DPY19L2: variants seen among roughly 807,000 people sequenced by gnomAD.
DPY19L2 encodes the protein dpy-19 like 2, also known as probable C-mannosyltransferase DPY19L2.
DPY19L2 carries 34 observed loss-of-function variants against 97.9 expected under a neutral mutation model. That is an observed-to-expected ratio of 0.35 (90% CI 0.26 to 0.46). The LOEUF (loss-of-function observed/expected upper bound fraction) is 0.46, where lower values mean the gene tolerates loss of function less well. Among genes scored for constraint, DPY19L2 ranks in the 20% least tolerant of loss-of-function variants. The probability of loss-of-function intolerance (pLI) is 1.00; values close to 1 mark genes in which losing one functional copy is unlikely to be tolerated. For synonymous variants in DPY19L2, 230 were observed against 307.9 expected (o/e 0.75, Z 2.65); for missense variants, 623 against 911.4 (o/e 0.68, Z 4.07).
Position 63,608,724 on chromosome 12 carries a change from T to A in DPY19L2, c.1219-49A>T, listed in dbSNP as rs542222335. 3.3e-5 allele frequency: 34 copies of A among 1,019,730 alleles called. No individual in the cohort carries two copies. In the African/African-American group the frequency reaches 3.4e-4, roughly 10 times the overall value. The allele number at this position is 1,019,730 out of a possible 1,614,324, so 63.2% of individuals were successfully genotyped here. A position where few individuals can be genotyped will look rare whatever the true frequency, so the allele number is the denominator to read the frequency against. ...GAAACAATTCAATACAATTAACATT[T>A]ATATTTTGTATAAATGGTACATTTC... is the stretch of plus-strand genomic sequence containing the variant. On this transcript the variant is annotated intron_variant, in intron 11 of 21. Transcript: ENST00000324472.
chr12:63,610,116 C>T (rs964282671), intron 11 of DPY19L2, among the ~76,000 whole-genome samples: 2 of 146,074 alleles, frequency 1.4e-5, no homozygotes, highest in African/African-American at 5.0e-5. Context: ...AGGCAAAAGA[C>T]TATCTTTAAT....
At chr12:63,639,131 T>C (rs1592691324) in intron 6 of DPY19L2, among the ~76,000 whole-genome samples, 1 of 152,272 alleles carries the variant, frequency 6.6e-6, no homozygotes, top group East Asian at 1.9e-4. Flanking sequence ...TAAATGGTGC[T>C]GGGAAAACTG....
chr12:63,620,682 C>T (rs1888547500), intron 9 of DPY19L2, among the ~76,000 whole-genome samples: 2 of 152,028 alleles, frequency 1.3e-5, no homozygotes, highest in Non-Finnish European at 2.9e-5. Flanking sequence ...TGGAAACAAC[C>T]AAGTACATCT....
At chr12:63,581,577 G>T (rs78454125) in intron 18 of DPY19L2, among the ~76,000 whole-genome samples, 5 of 137,738 alleles carry the variant, frequency 3.6e-5, no homozygotes, top group African/African-American at 1.1e-4. Flanking sequence ...TCCACTTCCC[G>T]GGTTCAAGCA....
chr12:63,591,989 G>C (rs1299846051), intron 16 of DPY19L2, among the ~76,000 whole-genome samples: 1 of 24,576 alleles, frequency 4.1e-5, no homozygotes, highest in Non-Finnish European at 7.1e-5. Context: ...GGGAAGGGAA[G>C]GGAAGGGAGG....
chr12:63,628,738 C>A, intron 6 of DPY19L2, among the ~76,000 whole-genome samples: 1 of 151,334 alleles, frequency 6.6e-6, no homozygotes. Flanking sequence ...CAGCACGCAG[C>A]TGGAGATCTA....
rs535934053 is a variant in DPY19L2, at chr12:63,603,676, C to T, written c.1279-3290G>A. On this transcript the variant is annotated intron_variant, in intron 12 of 21. Coordinates refer to ENST00000324472, the MANE Select transcript of DPY19L2 (RefSeq NM_173812.5). ...TGAAAATAATGGCTTCCAGCTCCAT[C>T]CATGTCCCTGTCAAGGACATGTTCT... 8.3e-4 allele frequency among the ~76,000 whole-genome samples: 126 copies of T among 152,250 alleles called. 1 individual carries two copies. Among genetic ancestry groups the T allele is most frequent in the Admixed American group, 2.6e-3 (40 of 15,298 alleles).
At chr12:63,576,117 A>T (rs2137322428) in intron 19 of DPY19L2, among the ~76,000 whole-genome samples, 1 of 152,122 alleles carries the variant, frequency 6.6e-6, no homozygotes, top group South Asian at 2.1e-4. Flanking sequence ...GATTTATCTC[A>T]GGGATGCAAA....
At chr12:63,642,925 T>C (rs1892904278) in intron 6 of DPY19L2, among the ~76,000 whole-genome samples, 1 of 152,116 alleles carries the variant, frequency 6.6e-6, no homozygotes, top group Admixed American at 6.6e-5. Context: ...TAGATTTTCC[T>C]AGACATATCT....
intron 16 of DPY19L2, among the ~76,000 whole-genome samples, chr12:63,585,620 T>C (rs1349543779): frequency 2.0e-5 from 3 of 152,114 alleles, no homozygotes; most frequent in Admixed American, 6.5e-5. Flanking sequence ...GGAAGAAGCC[T>C]GGTAGGTGAG....
At position 63,629,628 on chromosome 12, in the gene DPY19L2, T is replaced by C. The variant is rs527611235; in HGVS notation, c.804-3102A>G. ...AAGTGATGGGGAGAATGGAACCAAG[T>C]TGGAAAACACTCTGCAGGATATTAT... On this transcript the variant is annotated intron_variant, in intron 6 of 21. Coordinates refer to ENST00000324472, the MANE Select transcript of DPY19L2 (RefSeq NM_173812.5). 1.5e-3 allele frequency among the ~76,000 whole-genome samples: 235 copies of C among 152,278 alleles called. 2 individuals are homozygous for C. Among genetic ancestry groups the C allele is most frequent in the Middle Eastern group, 3.4e-3 (1 of 294 alleles).
intron 6 of DPY19L2, among the ~76,000 whole-genome samples, chr12:63,635,585 A>T (rs1891517761): frequency 6.6e-6 from 1 of 152,114 alleles, no homozygotes; most frequent in African/African-American, 2.4e-5. Context: ...TGTAGAGAAG[A>T]CCTTAAATGA....
intron 4 of DPY19L2, among the ~76,000 whole-genome samples, chr12:63,654,202 A>G (rs568817658): frequency 1.2e-4 from 18 of 152,222 alleles, no homozygotes; most frequent in African/African-American, 4.3e-4. Flanking sequence ...AGTTTATAAA[A>G]TATGTGTAAA....
At chr12:63,630,844 G>C (rs908606228) in intron 6 of DPY19L2, among the ~76,000 whole-genome samples, 3 of 152,046 alleles carry the variant, frequency 2.0e-5, no homozygotes, top group African/African-American at 7.2e-5. Context: ...AAATGTAAAA[G>C]AACAGAAATT....
chr12:63,619,818 T>A, intron 9 of DPY19L2: 1 of 368,566 alleles, frequency 2.7e-6, no homozygotes, highest in South Asian at 2.1e-5. Flanking sequence ...AAGAGCTTCT[T>A]AGTTTCATCA....
rs533804773 is a variant in DPY19L2, at chr12:63,633,638, T to C, written c.804-7112A>G. Reference sequence around the variant, plus strand: ...GTGGGACTGTAAACTAGCTCAACCATTGTGGAAGTCAGAGTGGTGATTCCT... The same window carrying C: ...GTGGGACTGTAAACTAGCTCAACCACTGTGGAAGTCAGAGTGGTGATTCCT... On this transcript the variant is annotated intron_variant, in intron 6 of 21. Transcript: ENST00000324472. 4.6e-5 allele frequency among the ~76,000 whole-genome samples: 7 copies of C among 152,236 alleles called. No individual in the cohort carries two copies. In the South Asian group the frequency reaches 1.2e-3, roughly 27 times the overall value.
chr12:63,633,050 T>G (rs916029899), intron 6 of DPY19L2, among the ~76,000 whole-genome samples: 2 of 152,006 alleles, frequency 1.3e-5, no homozygotes, highest in African/African-American at 4.8e-5. Flanking sequence ...CTTACACCTT[T>G]TACAAAAATT....
intron 6 of DPY19L2, among the ~76,000 whole-genome samples, chr12:63,639,519 C>A (rs1028620459): frequency 6.6e-6 from 1 of 152,098 alleles, no homozygotes; most frequent in Non-Finnish European, 1.5e-5. Context: ...AATCAAACAA[C>A]CCCATCAAAA....
chr12:63,589,357 C>CAAAAAAAAAAAAAAA lies in DPY19L2; in HGVS notation c.1580+4715_1580+4729dup, dbSNP rs71086687. Reference sequence around the variant, plus strand: ...AATGTGGCTAGATAAAAATGTGTTGCAAAAAAAAAAAAAAAAAAAAAAAAA... The same window carrying CAAAAAAAAAAAAAAA: ...AATGTGGCTAGATAAAAATGTGTTGCAAAAAAAAAAAAAAAAAAAAAAAAAAAAAAAAAAAAAAAA... On this transcript the variant is annotated intron_variant, in intron 16 of 21. Coordinates refer to ENST00000324472, the MANE Select transcript of DPY19L2 (RefSeq NM_173812.5). Among the ~76,000 whole-genome samples, 7 of 18,990 alleles carry CAAAAAAAAAAAAAAA rather than the reference C, an allele frequency of 3.7e-4. 2 individuals carry two copies. Among genetic ancestry groups the CAAAAAAAAAAAAAAA allele is most frequent in the Non-Finnish European group, 5.3e-4 (5 of 9,520 alleles). The allele number at this position is 18,990 out of a possible 152,430, so 12.5% of individuals were successfully genotyped here.
Sources: gnomAD v4.1 joint callset for allele counts (sites outside exome capture counted in the v4.1 genomes callset) on GRCh38, gnomAD v4.1.1 for gene constraint, MANE v1.5 for transcripts, NCBI Gene and HGNC (gene_info 2026-07-23, HGNC 2026-07-21) for gene names.